SEPTIN2: variants seen among roughly 807,000 people sequenced by gnomAD.
The protein encoded by SEPTIN2 is septin-2.
Under a neutral mutation model 46.5 loss-of-function variants are expected in SEPTIN2, and 34 were observed. The ratio of observed to expected loss-of-function variants is 0.73; its 90% CI spans 0.56 to 0.97. The LOEUF is 0.97. SEPTIN2 is among the 50% of genes least tolerant of loss of function. The pLI is 0.00. For synonymous variants in SEPTIN2, 175 were observed against 153.4 expected (o/e 1.14, Z -1.04); for missense variants, 347 against 448.4 (o/e 0.77, Z 2.04).
intron 1 of SEPTIN2, chr2:241,316,570 C>T (rs2076296445): frequency 6.0e-6 from 9 of 1,506,366 alleles, no homozygotes; most frequent in Admixed American, 2.1e-5. Flanking sequence ...GGACAGGCAG[C>T]AGGGGGTAGG....
chr2:241,317,695 C>A, intron 1 of SEPTIN2: 1 of 303,086 alleles, frequency 3.3e-6, no homozygotes, highest in Non-Finnish European at 4.8e-6. Context: ...GTATACTGAA[C>A]GTGGACCTTC....
intron 2 of SEPTIN2, chr2:241,324,540 A>T: frequency 2.3e-6 from 1 of 433,316 alleles, no homozygotes; most frequent in Non-Finnish European, 4.4e-6. Context: ...GACACGTGCC[A>T]CCACGCTGGC....
chr2:241,345,797 A>G (rs2060176116), intron 9 of SEPTIN2, among the ~76,000 whole-genome samples: 1 of 152,204 alleles, frequency 6.6e-6, no homozygotes, highest in African/African-American at 2.4e-5. Context: ...CATTTTCCGT[A>G]AGTCCTTTTA....
At chr2:241,347,156 G>A (rs949773980) in intron 10 of SEPTIN2, among the ~76,000 whole-genome samples, 4 of 152,002 alleles carry the variant, frequency 2.6e-5, no homozygotes, top group Admixed American at 6.6e-5. Context: ...ACTAGGGGGA[G>A]GATTCCTTGA....
At chr2:241,330,098 A>C (rs972714610) in intron 3 of SEPTIN2, among the ~76,000 whole-genome samples, 4 of 152,210 alleles carry the variant, frequency 2.6e-5, no homozygotes, top group African/African-American at 9.6e-5. Context: ...TCTACTTTTT[A>C]CATATACACG....
chr2:241,316,047 AC>A (rs2076137258), intron 1 of SEPTIN2, 65 bp downstream of exon 1: 1 of 153,634 alleles, frequency 6.5e-6, no homozygotes, highest in African/African-American at 2.4e-5. Context: ...GCTGCGGGGG[AC>A]GCGCCGCTCG....
chr2:241,332,947 T>C (rs2079242405), intron 3 of SEPTIN2, among the ~76,000 whole-genome samples: 1 of 152,204 alleles, frequency 6.6e-6, no homozygotes, highest in Admixed American at 6.5e-5. Context: ...GATTGGTGTT[T>C]GCCTGCGGTG....
At chr2:241,334,821 A>G (rs915870044) in intron 3 of SEPTIN2, among the ~76,000 whole-genome samples, 5 of 152,248 alleles carry the variant, frequency 3.3e-5, no homozygotes, top group Non-Finnish European at 5.9e-5. Context: ...ACCAACCTCT[A>G]AAGTACATTC....
At position 241,352,749 on chromosome 2, in the gene SEPTIN2, G is replaced by A. The variant is rs1344542544; in HGVS notation, c.*812G>A. On this transcript the variant is annotated 3_prime_UTR_variant, in exon 13 of 13. Coordinates refer to ENST00000391971, the MANE Select transcript of SEPTIN2 (RefSeq NM_004404.5). ...AAAGCAGTCATAAGCTCCAGTTTTC[G>A]TATTGCAAATAAGACTCTTACCTAC... is the stretch of plus-strand genomic sequence containing the variant. 2.6e-5 allele frequency: 4 copies of A among 152,128 alleles called. No homozygotes were observed. The highest frequency in any genetic ancestry group is 1.3e-4 in the Admixed American group (2 of 15,272). The allele number at this position is 152,128 out of a possible 1,614,324, so 9.4% of individuals were successfully genotyped here. A position where few individuals can be genotyped will look rare whatever the true frequency, so the allele number is the denominator to read the frequency against.
At chr2:241,336,153 A>G in intron 5 of SEPTIN2, 55 bp downstream of exon 5, 1 of 1,547,744 alleles carries the variant, frequency 6.5e-7, no homozygotes, top group African/African-American at 1.4e-5. Flanking sequence ...TACTTCATAA[A>G]TTTATAGATA....
At position 241,350,171 on chromosome 2, in the gene SEPTIN2, G is replaced by T. The variant is rs755418740; in HGVS notation, c.1083G>T (p.Val361=). 6.2e-7 allele frequency: 1 copy of T among 1,610,874 alleles called. No individual in the cohort carries two copies. Among genetic ancestry groups the T allele is most frequent in the African/African-American group, 1.3e-5 (1 of 74,828 alleles). Residue 361 remains valine, a synonymous_variant, in exon 12 of 13, where the codon GTG becomes GTT. Transcript: ENST00000391971. ...DGDGGALGHH[V] The stretch of plus-strand genomic sequence containing the variant: ...ATGGCGGGGCTCTCGGGCACCACGT[G>T]TAAGGTGATGTGCACATATCAAGAA...
At chr2:241,344,029 G>T in intron 9 of SEPTIN2, 132 bp downstream of exon 9, 14 of 1,119,828 alleles carry the variant, frequency 1.3e-5, no homozygotes, top group Middle Eastern at 2.0e-4. Context: ...TTCTCACATC[G>T]CAGAAGTGGT....
chr2:241,339,346 C>T (rs2080934708), intron 7 of SEPTIN2, among the ~76,000 whole-genome samples: 1 of 142,946 alleles, frequency 7.0e-6, no homozygotes, highest in African/African-American at 2.5e-5. Flanking sequence ...GCAGTCCAGC[C>T]TGGGTGACAG....
At chr2:241,346,786 A>G (rs1373394551) in intron 10 of SEPTIN2, among the ~76,000 whole-genome samples, 1 of 152,246 alleles carries the variant, frequency 6.6e-6, no homozygotes, top group Non-Finnish European at 1.5e-5. Flanking sequence ...TGGAAAGGCC[A>G]GAGGCTTGTG....
At chr2:241,318,566 C>A (rs1020459950) in intron 1 of SEPTIN2, among the ~76,000 whole-genome samples, 1 of 152,128 alleles carries the variant, frequency 6.6e-6, no homozygotes, top group African/African-American at 2.4e-5. Flanking sequence ...TTTAAAAATT[C>A]TGTTGTAAAT....
intron 11 of SEPTIN2, among the ~76,000 whole-genome samples, chr2:241,349,775 T>C (rs371558806): frequency 9.2e-5 from 14 of 152,218 alleles, no homozygotes; most frequent in East Asian, 3.9e-4. Flanking sequence ...GAGCCGAGAT[T>C]GCGCCACTGC....
chr2:241,335,360 G>T, intron 4 of SEPTIN2, 148 bp downstream of exon 4: 5 of 1,552,436 alleles, frequency 3.2e-6, no homozygotes, highest in African/African-American at 1.4e-5. Flanking sequence ...GGGTAGGTGT[G>T]CTGCACCGAG....
rs368112295 is a variant in SEPTIN2 at position 241,329,416 on chromosome 2, A to G, written c.130+3303A>G. On this transcript the variant is annotated intron_variant, in intron 3 of 12. Coordinates refer to ENST00000391971, the MANE Select transcript of SEPTIN2 (RefSeq NM_004404.5). ...GCGCTAGGATTAATATAAATCTTAC[A>G]CAGACATCTTCATGAAATAGATGAG... 4.5e-4 allele frequency among the ~76,000 whole-genome samples: 66 copies of G among 147,424 alleles called. 4 individuals carry two copies. The South Asian group carries it at 0.013, about 30-fold the overall frequency.
chr2:241,323,262 C>A (rs1046638280), intron 1 of SEPTIN2, among the ~76,000 whole-genome samples: 1 of 151,952 alleles, frequency 6.6e-6, no homozygotes, highest in African/African-American at 2.4e-5. Flanking sequence ...CCTCCGCCTC[C>A]CAGGTTCAAG....
Sources: gnomAD v4.1 joint callset for allele counts (sites outside exome capture counted in the v4.1 genomes callset) on GRCh38, gnomAD v4.1.1 for gene constraint, MANE v1.5 for transcripts, NCBI Gene and HGNC (gene_info 2026-07-23, HGNC 2026-07-21) for gene names.